Variants in NME7 observed in about 807,000 individuals in gnomAD.
NME7 encodes NME/NM23 family member 7.
A neutral mutation model predicts 49.1 loss-of-function variants in NME7; 41 were observed. The ratio of observed to expected loss-of-function variants is 0.83; its 90% CI spans 0.65 to 1.08. The LOEUF is 1.08. Ranked by LOEUF, NME7 falls within the 50% of genes least tolerant of loss-of-function variation. NME7 has a pLI of 0.00. For missense variants in NME7, 423 were observed against 463.4 expected (o/e 0.91, Z 0.80); for synonymous variants, 139 against 150.6 (o/e 0.92, Z 0.56).
intron 11 of NME7, among the ~76,000 whole-genome samples, chr1:169,149,332 C>T (rs1658844798): frequency 6.6e-6 from 1 of 151,720 alleles, no homozygotes; most frequent in East Asian, 2.0e-4. Flanking sequence ...CAGAGTAAGA[C>T]TCCATCTCAA....
chr1:169,305,114 T>C (rs572852005), intron 4 of NME7, among the ~76,000 whole-genome samples: 8 of 152,250 alleles, frequency 5.3e-5, no homozygotes, highest in Non-Finnish European at 1.0e-4. Flanking sequence ...ATTCCATAGT[T>C]ATCTCCATTC....
At chr1:169,224,471 C>A (rs748053723) in intron 10 of NME7, among the ~76,000 whole-genome samples, 5 of 151,922 alleles carry the variant, frequency 3.3e-5, no homozygotes, top group Non-Finnish European at 5.9e-5. Flanking sequence ...TCTGAGATTT[C>A]CTGTTTAATA....
At chr1:169,193,354 C>T (rs767634013) in intron 10 of NME7, among the ~76,000 whole-genome samples, 2 of 152,064 alleles carry the variant, frequency 1.3e-5, no homozygotes, top group Non-Finnish European at 2.9e-5. Flanking sequence ...ATAAATAAAA[C>T]GCCTTAGTAA....
intron 5 of NME7, 86 bp downstream of exon 5, chr1:169,303,059 C>T: frequency 2.4e-6 from 2 of 841,010 alleles, no homozygotes; most frequent in Non-Finnish European, 2.0e-6. Context: ...AGATTATTCT[C>T]AAGTAATAAA....
chr1:169,214,721 A>T (rs1660927449), intron 10 of NME7, among the ~76,000 whole-genome samples: 1 of 152,196 alleles, frequency 6.6e-6, no homozygotes, highest in South Asian at 2.1e-4. Flanking sequence ...GCCATGCTCA[A>T]TGCCTTGTGG....
intron 8 of NME7, among the ~76,000 whole-genome samples, chr1:169,237,127 TG>T (rs1378228783): frequency 6.6e-6 from 1 of 152,020 alleles, no homozygotes; most frequent in African/African-American, 2.4e-5. Context: ...GCGGTACAAG[TG>T]CCAACAGAGT....
intron 1 of NME7, among the ~76,000 whole-genome samples, chr1:169,359,478 G>A (rs1653582920): frequency 6.6e-6 from 1 of 151,384 alleles, no homozygotes; most frequent in South Asian, 2.1e-4. Flanking sequence ...GTGTGTGTGT[G>A]TATATATGTA....
chr1:169,207,913 C>T (rs1164176398), intron 10 of NME7, among the ~76,000 whole-genome samples: 1 of 152,076 alleles, frequency 6.6e-6, no homozygotes, highest in Non-Finnish European at 1.5e-5. Flanking sequence ...AGCTATGTTT[C>T]AAAGTTCTTT....
rs1446467301 is a variant in NME7, at chr1:169,323,884, G to A, written c.111+509C>T. On this transcript the variant is annotated intron_variant, in intron 2 of 11. Transcript: ENST00000367811. ...TTTGAGACAAGAGTCTCATGCAGTCGCCCAGGCAGGACAGGCAGGAGTGCA... is the reference window on the plus strand; with the variant it reads ...TTTGAGACAAGAGTCTCATGCAGTCACCCAGGCAGGACAGGCAGGAGTGCA... 8.8e-5 allele frequency among the ~76,000 whole-genome samples: 10 copies of A among 113,502 alleles called. No individual in the cohort carries two copies. The East Asian group carries it at 1.8e-3, about 21-fold the overall frequency. The allele number at this position is 113,502 out of a possible 152,430, so 74.5% of individuals were successfully genotyped here.
chr1:169,347,098 C>G (rs1453797082), intron 1 of NME7, among the ~76,000 whole-genome samples: 1 of 152,144 alleles, frequency 6.6e-6, no homozygotes, highest in Non-Finnish European at 1.5e-5. Context: ...GTAATTGCAG[C>G]TACTCAGGAG....
chr1:169,278,850 A>C (rs1432600046), intron 7 of NME7, among the ~76,000 whole-genome samples: 5 of 152,178 alleles, frequency 3.3e-5, no homozygotes, highest in African/African-American at 1.2e-4. Flanking sequence ...GGTGATGTAC[A>C]GATGGGTTTT....
intron 1 of NME7, among the ~76,000 whole-genome samples, chr1:169,360,634 T>G (rs1008205387): frequency 6.6e-6 from 1 of 152,148 alleles, no homozygotes; most frequent in Non-Finnish European, 1.5e-5. Flanking sequence ...TGCTCACTAT[T>G]GACTCTGCCT....
chr1:169,349,585 C>T (rs892355414), intron 1 of NME7, among the ~76,000 whole-genome samples: 1 of 152,000 alleles, frequency 6.6e-6, no homozygotes, highest in African/African-American at 2.4e-5. Flanking sequence ...GCTATTAAAT[C>T]ATTTCAAGAA....
intron 10 of NME7, among the ~76,000 whole-genome samples, chr1:169,173,004 T>C (rs1418852682): frequency 6.6e-6 from 1 of 152,220 alleles, no homozygotes; most frequent in Non-Finnish European, 1.5e-5. Flanking sequence ...TGGTAAATAT[T>C]TGTTGACTGA....
At chr1:169,324,645 T>C (rs1046583861) in intron 1 of NME7, 145 bp from the exon 2 acceptor site, 29 of 588,950 alleles carry the variant, frequency 4.9e-5, no homozygotes, top group Admixed American at 9.0e-5. Flanking sequence ...TTCAACAAAG[T>C]ATCAGTTATC....
In NME7 at chr1:169,323,173, T is replaced by C. The variant is rs200282699; in HGVS notation, c.222A>G (p.Val74=). 201 of 1,609,700 alleles carry C rather than the reference T, an allele frequency of 1.2e-4. No individual in the cohort carries two copies. Among genetic ancestry groups the C allele is most frequent in the Non-Finnish European group, 1.6e-4 (188 of 1,178,134 alleles). Reference sequence around the variant, plus strand: ...TATATTGATCCCCATAGTCAATTAATACCAGTTGTCGAGAAAAGACATTCA... The same window carrying C: ...TATATTGATCCCCATAGTCAATTAACACCAGTTGTCGAGAAAAGACATTCA... ...NKVNVFSRQL[V]LIDYGDQYTA... is the part of the protein sequence containing the mutation. Residue 74 remains valine (V), a synonymous_variant, in exon 3 of 12, where the codon GTA becomes GTG. Coordinates refer to ENST00000367811, the MANE Select transcript of NME7 (RefSeq NM_013330.5).
intron 7 of NME7, among the ~76,000 whole-genome samples, chr1:169,269,677 A>C (rs1313938505): frequency 7.5e-6 from 1 of 133,318 alleles, no homozygotes; most frequent in South Asian, 2.3e-4. Context: ...CCAATTTCTA[A>C]AAGTGAGGAC....
chr1:169,355,236 A>T lies in NME7; in HGVS notation c.3+12472T>A, dbSNP rs866509063. On this transcript the variant is annotated intron_variant, in intron 1 of 11. Transcript: ENST00000367811. ...ATTATATATTATAGATATAATATAT[A>T]ATATATTATATATTATATCTATATA... 1.2e-3 allele frequency among the ~76,000 whole-genome samples: 90 copies of T among 76,890 alleles called. 2 individuals carry two copies. The highest frequency in any genetic ancestry group is 1.8e-3 in the Non-Finnish European group (78 of 42,386). 50.4% of individuals were successfully genotyped at this position (76,890 alleles called of 152,430 possible).
At chr1:169,151,652 G>A (rs1162184796) in intron 11 of NME7, among the ~76,000 whole-genome samples, 4 of 152,198 alleles carry the variant, frequency 2.6e-5, no homozygotes, top group Non-Finnish European at 4.4e-5. Flanking sequence ...GCCAGAGTGG[G>A]TGCCACCTTC....
Sources: allele counts gnomAD v4.1 joint callset (sites outside exome capture counted in the v4.1 genomes callset), GRCh38; gene constraint gnomAD v4.1.1; transcripts MANE v1.5; gene names NCBI Gene and HGNC (gene_info 2026-07-23, HGNC 2026-07-21).